The following GLIS1 variants were observed in gnomAD, a reference collection of about 807,000 sequenced individuals.
The protein encoded by GLIS1 is zinc finger protein GLIS1.
In GLIS1, 24 loss-of-function variants were observed where a neutral mutation model predicts 63.8. The observed-to-expected ratio is 0.38, with a 90% CI of 0.27 to 0.53. GLIS1 has a LOEUF of 0.53. GLIS1 is among the 20% of genes least tolerant of loss of function. The pLI is 0.85. For synonymous variants in GLIS1, 450 were observed against 482.5 expected (o/e 0.93, Z 0.88); for missense variants, 1,036 against 1,074.1 (o/e 0.96, Z 0.50).
chr1:53,516,662 A>T (rs1490046196), intron 7 of GLIS1, among the ~76,000 whole-genome samples: 1 of 151,984 alleles, frequency 6.6e-6, no homozygotes, highest in Non-Finnish European at 1.5e-5. Flanking sequence ...AAAATACAAA[A>T]ATTAGTCGGG....
At chr1:53,601,011 C>T (rs1645312025) in intron 2 of GLIS1, among the ~76,000 whole-genome samples, 1 of 152,004 alleles carries the variant, frequency 6.6e-6, no homozygotes, top group Non-Finnish European at 1.5e-5. Flanking sequence ...TAAGCTCCTT[C>T]CCCTCTCTGG....
intron 4 of GLIS1, among the ~76,000 whole-genome samples, chr1:53,572,918 G>T (rs1192776535): frequency 6.6e-6 from 1 of 152,204 alleles, no homozygotes; most frequent in East Asian, 1.9e-4. Context: ...CTGCTTCACT[G>T]CTTGGGCTTG....
chr1:53,678,825 G>A (rs1294618414), intron 2 of GLIS1, among the ~76,000 whole-genome samples: 1 of 152,174 alleles, frequency 6.6e-6, no homozygotes, highest in African/African-American at 2.4e-5. Flanking sequence ...ACTGGAAATG[G>A]AAAGCACCGC....
chr1:53,518,119 C>T (rs1557942931), intron 7 of GLIS1, among the ~76,000 whole-genome samples: 2 of 152,182 alleles, frequency 1.3e-5, no homozygotes, highest in African/African-American at 4.8e-5. Flanking sequence ...CCCAGCAGGC[C>T]GGATCCTAGG....
rs12723911 is a variant in GLIS1, at chr1:53,600,251, G to A, written c.287C>T (p.Pro96Leu). 1,163,142 of 1,231,984 alleles carry A rather than the reference G, an allele frequency of 0.94. 561,337 individuals are homozygous for A. The highest frequency in any genetic ancestry group is 0.99 in the Non-Finnish European group (977,820 of 987,950). The allele number at this position is 1,231,984 out of a possible 1,614,324, so 76.3% of individuals were successfully genotyped here. Residue 96 changes from proline (P) to leucine (L), a missense_variant, in exon 3 of 11, where the codon CCG becomes CTG. By Grantham distance (98) the Pro-to-Leu change is moderately conservative. Transcript: ENST00000628545. ...GTCCAGCAGGCTCTTCTCTGAGCCC[G>A]GGGTACGGTGTCCGTAGCTCCCATT... Reference protein sequence around the residue: ...KVNGSYGHRTPGSEKSLLDLD... With the variant: ...KVNGSYGHRTLGSEKSLLDLD...
chr1:53,549,215 G>A (rs1644735198), intron 4 of GLIS1, among the ~76,000 whole-genome samples: 1 of 152,138 alleles, frequency 6.6e-6, no homozygotes, highest in Non-Finnish European at 1.5e-5. Flanking sequence ...TTCCACCTTT[G>A]GCTATTATGA....
rs1644617931 is a variant in GLIS1 at position 53,539,458 on chromosome 1, A to G, written c.1321-9506T>C. ...TACCACACATCACAGCACACCCCCA[A>G]TACATACACATCATACCTCCCACAC... On this transcript the variant is annotated intron_variant, in intron 4 of 10. Transcript: ENST00000628545. The surrounding 1 kb of genome is among the most constrained non-coding windows in gnomAD (Gnocchi z 5.0). 6.7e-6 allele frequency among the ~76,000 whole-genome samples: 1 copy of G among 149,374 alleles called. No homozygotes were observed. Among genetic ancestry groups the G allele is most frequent in the Admixed American group, 6.7e-5 (1 of 15,004 alleles).
At chr1:53,585,035 G>C (rs759409861) in intron 4 of GLIS1, among the ~76,000 whole-genome samples, 49 of 152,234 alleles carry the variant, frequency 3.2e-4, no homozygotes, top group South Asian at 1.0e-3. Flanking sequence ...AAGTTCAAAA[G>C]CTTTTTCCTT....
chr1:53,512,200 T>G (rs867209021), intron 8 of GLIS1, among the ~76,000 whole-genome samples: 1 of 152,242 alleles, frequency 6.6e-6, no homozygotes, highest in African/African-American at 2.4e-5. Context: ...GCTATGCTGC[T>G]CTACCTGAAC....
At chr1:53,673,038 C>T (rs982105660) in intron 2 of GLIS1, among the ~76,000 whole-genome samples, 10 of 152,338 alleles carry the variant, frequency 6.6e-5, no homozygotes, top group African/African-American at 2.4e-4. Flanking sequence ...CCTGAGCTGG[C>T]AAGCACTCCG....
chr1:53,653,955 G>A (rs368761181), intron 2 of GLIS1, among the ~76,000 whole-genome samples: 47 of 152,326 alleles, frequency 3.1e-4, no homozygotes, highest in African/African-American at 1.0e-3. Context: ...CCACAGGACC[G>A]GCAGGTTAGT....
intron 2 of GLIS1, among the ~76,000 whole-genome samples, chr1:53,685,345 C>T (rs547766883): frequency 6.6e-5 from 10 of 152,324 alleles, no homozygotes; most frequent in African/African-American, 2.2e-4. Context: ...CGGAGGACCG[C>T]GTCCCCAGAG....
At chr1:53,590,927 G>A (rs534970347) in intron 4 of GLIS1, among the ~76,000 whole-genome samples, 52 of 152,320 alleles carry the variant, frequency 3.4e-4, no homozygotes, top group Middle Eastern at 3.4e-3. Context: ...TGGTGCCGGA[G>A]CAGAGGCTCC....
intron 4 of GLIS1, among the ~76,000 whole-genome samples, chr1:53,550,938 C>T (rs1333682405): frequency 2.0e-5 from 3 of 152,244 alleles, no homozygotes; most frequent in African/African-American, 7.2e-5. Flanking sequence ...GCAACCTCTG[C>T]CTCCCGGGTT....
intron 2 of GLIS1, among the ~76,000 whole-genome samples, chr1:53,700,131 C>T (rs530041105): frequency 6.6e-6 from 1 of 152,340 alleles, no homozygotes; most frequent in East Asian, 1.9e-4. Flanking sequence ...TCTCAGCCCA[C>T]TGTACCATGC....
chr1:53,636,368 GA>G (rs1378278830), intron 2 of GLIS1, among the ~76,000 whole-genome samples: 1 of 150,244 alleles, frequency 6.7e-6, no homozygotes, highest in African/African-American at 2.5e-5. Flanking sequence ...AACAATTGCA[GA>G]AAAAAGCATT....
In GLIS1 at chr1:53,698,882, C is replaced by T. The variant is rs138225279; in HGVS notation, c.259+38924G>A. 2.1e-3 allele frequency among the ~76,000 whole-genome samples: 316 copies of T among 152,214 alleles called. 3 individuals are homozygous for T. Among genetic ancestry groups the T allele is most frequent in the African/African-American group, 7.0e-3 (289 of 41,506 alleles). On this transcript the variant is annotated intron_variant, in intron 2 of 10. Coordinates refer to ENST00000628545, the MANE Select transcript of GLIS1 (RefSeq NM_001367484.1). ...AACCTGTGCGGGCAGCACCAAACCCCACTGAGGAAATGGGATTGGAGACTG... is the reference window on the plus strand; with the variant it reads ...AACCTGTGCGGGCAGCACCAAACCCTACTGAGGAAATGGGATTGGAGACTG...
chr1:53,543,206 G>C (rs1377521291), intron 4 of GLIS1, among the ~76,000 whole-genome samples: 2 of 152,232 alleles, frequency 1.3e-5, no homozygotes, highest in African/African-American at 2.4e-5. Flanking sequence ...CCTGACATAA[G>C]TGAAACAGAG....
chr1:53,546,252 G>A (rs754287966), intron 4 of GLIS1, among the ~76,000 whole-genome samples: 8 of 152,246 alleles, frequency 5.3e-5, no homozygotes, highest in Non-Finnish European at 8.8e-5. Context: ...GAGCAGAGGA[G>A]CCAGAGGCAA....
Sources: gnomAD v4.1 joint callset for allele counts (sites outside exome capture counted in the v4.1 genomes callset) on GRCh38, gnomAD v4.1.1 for gene constraint, Gnocchi (gnomAD v3.1) non-coding constraint, MANE v1.5 for transcripts, NCBI Gene and HGNC (gene_info 2026-07-23, HGNC 2026-07-21) for gene names.